The following SLC24A4 variants were observed in gnomAD, a reference collection of about 807,000 sequenced individuals.
SLC24A4 encodes the protein sodium/potassium/calcium exchanger 4.
SLC24A4 carries 53 observed loss-of-function variants against 79.0 expected under a neutral mutation model. The ratio of observed to expected loss-of-function variants is 0.67; its 90% CI spans 0.54 to 0.84. The LOEUF (loss-of-function observed/expected upper bound fraction) is 0.84, where lower values mean the gene tolerates loss of function less well. SLC24A4 is among the 40% of genes least tolerant of loss of function. The probability of loss-of-function intolerance (pLI) is 0.00; values close to 1 mark genes in which losing one functional copy is unlikely to be tolerated. For missense variants in SLC24A4, 731 were observed against 822.0 expected (o/e 0.89, Z 1.35); for synonymous variants, 323 against 323.8 (o/e 1.00, Z 0.03).
At chr14:92,347,643 T>C (rs1447476767) in intron 2 of SLC24A4, among the ~76,000 whole-genome samples, 1 of 152,172 alleles carries the variant, frequency 6.6e-6, no homozygotes, top group Non-Finnish European at 1.5e-5. Context: ...AAAAATACTT[T>C]CAAGGCCGGG....
chr14:92,452,671 C>A (rs137896277), intron 10 of SLC24A4: 3 of 152,286 alleles, frequency 2.0e-5, no homozygotes, highest in African/African-American at 7.2e-5. Context: ...TTCATCCACG[C>A]GATAACACGT....
At position 92,407,857 on chromosome 14, in the gene SLC24A4, T is replaced by TTGTGTGTGTG. The variant is rs60398538; in HGVS notation, c.242-26021_242-26012dup. ...CAGATACACTGCCTACAGAGTGATA[T>TTGTGTGTGTG]TGTGTGTGTGTGTGTGTGTGTGTGT... is the stretch of plus-strand genomic sequence containing the variant. On this transcript the variant is annotated intron_variant, in intron 2 of 16. Coordinates refer to ENST00000532405, the MANE Select transcript of SLC24A4 (RefSeq NM_153646.4). Among the ~76,000 whole-genome samples, 671 of 143,688 alleles carry TTGTGTGTGTG rather than the reference T, an allele frequency of 4.7e-3. 8 individuals are homozygous for TTGTGTGTGTG. Among genetic ancestry groups the TTGTGTGTGTG allele is most frequent in the African/African-American group, 0.015 (590 of 38,352 alleles). The allele number at this position is 143,688 out of a possible 152,430, so 94.3% of individuals were successfully genotyped here. A position where few individuals can be genotyped will look rare whatever the true frequency, so the allele number is the denominator to read the frequency against.
intron 13 of SLC24A4, among the ~76,000 whole-genome samples, chr14:92,483,112 G>C (rs1016530469): frequency 1.3e-5 from 2 of 152,190 alleles, no homozygotes; most frequent in Admixed American, 6.5e-5. Context: ...AAATCACACT[G>C]TTCTGGTGTT....
At chr14:92,386,172 A>G (rs1302799067) in intron 2 of SLC24A4, among the ~76,000 whole-genome samples, 1 of 151,558 alleles carries the variant, frequency 6.6e-6, no homozygotes, top group African/African-American at 2.4e-5. Flanking sequence ...TCCCCTTTCG[A>G]TAGGTGGTTC....
At chr14:92,343,642 C>CCT (rs1886324683) in intron 2 of SLC24A4, among the ~76,000 whole-genome samples, 1,526 of 44,156 alleles carry the variant, frequency 0.035, 12 homozygotes, top group South Asian at 0.049. Flanking sequence ...CTTTCTTTCT[C>CCT]TCTTTCCTTC....
rs1322953163 is a variant in SLC24A4 at position 92,497,428 on chromosome 14, T to C, written c.*3800T>C. On this transcript the variant is annotated 3_prime_UTR_variant, in exon 17 of 17. Coordinates refer to ENST00000532405, the MANE Select transcript of SLC24A4 (RefSeq NM_153646.4). ...GGGATTTTGGGAAGGGTGTGGGGGG[T>C]GTCATTGCTGGATACCCGTCTTTCT... 2 of 151,606 alleles carry C rather than the reference T, an allele frequency of 1.3e-5. No homozygotes were observed. The highest frequency in any genetic ancestry group is 4.9e-5 in the African/African-American group (2 of 41,158). The allele number at this position is 151,606 out of a possible 1,614,324, so 9.4% of individuals were successfully genotyped here. A position where few individuals can be genotyped will look rare whatever the true frequency, so the allele number is the denominator to read the frequency against.
At position 92,441,937 on chromosome 14, in the gene SLC24A4, C is replaced by T. The variant is rs543938803; in HGVS notation, c.394-152C>T. On this transcript the variant is annotated intron_variant, in intron 4 of 16. Transcript: ENST00000532405. The surrounding 1 kb of genome is among the most constrained non-coding windows in gnomAD (Gnocchi z 4.6). ...TGGAGGGCAGATGGCAGAGGGCACA[C>T]AGCATGTGCCCAGGGGTGAGAGGCT... The T allele has an allele frequency of 5.5e-6, 3 of 541,734 alleles. No homozygotes were observed. Among genetic ancestry groups the T allele is most frequent in the Non-Finnish European group, 1.0e-5 (3 of 300,388 alleles). The allele number at this position is 541,734 out of a possible 1,614,324, so 33.6% of individuals were successfully genotyped here.
chr14:92,484,951 T>C, intron 13 of SLC24A4: 1 of 895,060 alleles, frequency 1.1e-6, no homozygotes, highest in Non-Finnish European at 1.3e-6. Flanking sequence ...GTTAGTGTTG[T>C]GTACATTATA....
At chr14:92,368,239 G>A (rs1280044860) in intron 2 of SLC24A4, among the ~76,000 whole-genome samples, 2 of 152,166 alleles carry the variant, frequency 1.3e-5, no homozygotes, top group African/African-American at 4.8e-5. Flanking sequence ...GTTAATGCCT[G>A]AATTTACACA....
chr14:92,347,071 A>G (rs1175540324), intron 2 of SLC24A4, among the ~76,000 whole-genome samples: 1 of 150,846 alleles, frequency 6.6e-6, no homozygotes, highest in African/African-American at 2.4e-5. Flanking sequence ...CTTCTAAAAA[A>G]GTGTCATAAA....
chr14:92,324,250 GC>G (rs1884986075), intron 1 of SLC24A4, among the ~76,000 whole-genome samples: 1 of 152,216 alleles, frequency 6.6e-6, no homozygotes, highest in South Asian at 2.1e-4. Context: ...CCGGGAGTGC[GC>G]CCGGAATGGG....
chr14:92,355,673 C>T (rs1387661078), intron 2 of SLC24A4, among the ~76,000 whole-genome samples: 2 of 152,184 alleles, frequency 1.3e-5, no homozygotes, highest in Non-Finnish European at 2.9e-5. Flanking sequence ...TGGGGTGCTG[C>T]CTGCTCCAGT....
intron 13 of SLC24A4, chr14:92,484,164 A>C: frequency 1.0e-6 from 1 of 985,020 alleles, no homozygotes; most frequent in Non-Finnish European, 1.2e-6. Flanking sequence ...CCCCCAACCC[A>C]ATCACGCCTT....
chr14:92,400,763 G>A (rs930656171), intron 2 of SLC24A4, among the ~76,000 whole-genome samples: 3 of 152,186 alleles, frequency 2.0e-5, no homozygotes, highest in African/African-American at 4.8e-5. Context: ...GCCTAAGCAC[G>A]TGGGTCCCCT....
chr14:92,437,805 C>A (rs1171765123), intron 3 of SLC24A4, among the ~76,000 whole-genome samples: 1 of 152,160 alleles, frequency 6.6e-6, no homozygotes, highest in South Asian at 2.1e-4. Context: ...ATTTTAAATT[C>A]TTAAAATGAC....
Position 92,361,306 on chromosome 14 carries a change from T to G in SLC24A4, c.241+35328T>G, listed in dbSNP as rs1340344362. The stretch of plus-strand genomic sequence containing the variant: ...CTATTTTTTTTTTTTTTGAATAATC[T>G]TGGACTCAGGTATTCTCCTTGGAAA... On this transcript the variant is annotated intron_variant, in intron 2 of 16. Coordinates refer to ENST00000532405, the MANE Select transcript of SLC24A4 (RefSeq NM_153646.4). 2.0e-5 allele frequency among the ~76,000 whole-genome samples: 3 copies of G among 152,008 alleles called. No individual in the cohort carries two copies. The East Asian group carries it at 5.8e-4, about 29-fold the overall frequency.
At chr14:92,331,907 C>T (rs1005067935) in intron 2 of SLC24A4, among the ~76,000 whole-genome samples, 10 of 152,258 alleles carry the variant, frequency 6.6e-5, no homozygotes, top group Middle Eastern at 3.4e-3. Context: ...TTATGATTTT[C>T]TTAATAAAAT....
rs35066352 is a variant in SLC24A4 at position 92,493,622 on chromosome 14, C to T, written c.1863C>T (p.Asp621=). 4.0e-4 allele frequency: 639 copies of T among 1,614,120 alleles called. 3 individuals carry two copies. The African/African-American group carries it at 7.5e-3, about 19-fold the overall frequency. Residue 621 remains aspartate (D), a synonymous_variant, in exon 17 of 17, where the codon GAC becomes GAT. Transcript: ENST00000532405. ...TFVNLPMCRE[D]D Reference sequence around the variant, plus strand: ...TCAACTTGCCGATGTGCCGGGAAGACGATTAGCGCTGAGTCGCGGCCCCTG... The same window carrying T: ...TCAACTTGCCGATGTGCCGGGAAGATGATTAGCGCTGAGTCGCGGCCCCTG...
intron 13 of SLC24A4, chr14:92,484,751 AC>A (rs1895262487): frequency 1.0e-6 from 1 of 985,082 alleles, no homozygotes; most frequent in Non-Finnish European, 1.2e-6. Context: ...TCCCTTTCAC[AC>A]CCTACTCCCA....
Sources: allele counts gnomAD v4.1 joint callset (sites outside exome capture counted in the v4.1 genomes callset), GRCh38; gene constraint gnomAD v4.1.1; non-coding constraint Gnocchi (gnomAD v3.1); transcripts MANE v1.5; gene names NCBI Gene and HGNC (gene_info 2026-07-23, HGNC 2026-07-21).